Variants in NUP107 observed in about 807,000 individuals in gnomAD.
NUP107 encodes nucleoporin 107.
Under a neutral mutation model 141.0 loss-of-function variants are expected in NUP107, and 101 were observed. That is an observed-to-expected ratio of 0.72 (90% confidence interval 0.61 to 0.84). NUP107 has a LOEUF of 0.84. NUP107 is among the 40% of genes least tolerant of loss of function. NUP107 has a pLI of 0.00. For synonymous variants in NUP107, 319 were observed against 363.9 expected (o/e 0.88, Z 1.41); for missense variants, 941 against 1,102.7 (o/e 0.85, Z 2.08).
At chr12:68,733,942 G>A (rs142953473) in intron 24 of NUP107, among the ~76,000 whole-genome samples, 3 of 152,196 alleles carry the variant, frequency 2.0e-5, no homozygotes, top group Non-Finnish European at 4.4e-5. Context: ...GATGCTCTAG[G>A]TTTGTTATGA....
chr12:68,692,288 T>C, intron 5 of NUP107, 176 bp downstream of exon 5: 1 of 626,436 alleles, frequency 1.6e-6, no homozygotes, highest in Non-Finnish European at 2.5e-6. Context: ...GAGACAAGAG[T>C]CTCACTCTGT....
intron 8 of NUP107, chr12:68,707,062 G>A: frequency 1.7e-6 from 1 of 580,842 alleles, no homozygotes. Flanking sequence ...CTGATGTACT[G>A]ACCAAGTGAA....
intron 8 of NUP107, among the ~76,000 whole-genome samples, chr12:68,703,060 G>T (rs537496594): frequency 1.5e-4 from 23 of 152,110 alleles, no homozygotes; most frequent in African/African-American, 5.5e-4. Flanking sequence ...TGGCCAAGCT[G>T]GTCTCGAACT....
chr12:68,687,042 T>G lies in NUP107; in HGVS notation c.-24T>G, dbSNP rs1428705313. ...GTAGCTAAACTGCAGCCAACTTTGG[T>G]TGTGTGTGGAAAAGGCTTTAGCCAT... On this transcript the variant is annotated 5_prime_UTR_variant, in exon 1 of 28. Coordinates refer to ENST00000229179, the MANE Select transcript of NUP107 (RefSeq NM_020401.4). 3 of 1,613,994 alleles carry G rather than the reference T, an allele frequency of 1.9e-6. No individual in the cohort carries two copies. Among genetic ancestry groups the G allele is most frequent in the Non-Finnish European group, 2.5e-6 (3 of 1,179,918 alleles).
At chr12:68,696,333 C>T (rs1015550132) in intron 5 of NUP107, among the ~76,000 whole-genome samples, 3 of 150,972 alleles carry the variant, frequency 2.0e-5, no homozygotes, top group African/African-American at 4.9e-5. Flanking sequence ...CCACTGCACT[C>T]CAGCCTGGGT....
In NUP107 at chr12:68,732,634, T is replaced by C; in HGVS notation, c.1999-3T>C. The C allele has an allele frequency of 6.4e-7, 1 of 1,570,802 alleles. No homozygotes were observed. Among genetic ancestry groups the C allele is most frequent in the Non-Finnish European group, 8.7e-7 (1 of 1,151,808 alleles). Reference sequence around the variant, plus strand: ...TTTTCTTTTTTTCCCCTTTAATAAATAGGAGGATCGTTTAAAAATTGATGT... The same window carrying C: ...TTTTCTTTTTTTCCCCTTTAATAAACAGGAGGATCGTTTAAAAATTGATGT... On this transcript the variant is annotated splice_polypyrimidine_tract_variant and splice_region_variant and intron_variant, in intron 22 of 27. Coordinates refer to ENST00000229179, the MANE Select transcript of NUP107 (RefSeq NM_020401.4).
intron 11 of NUP107, chr12:68,714,216 T>C (rs1877001872): frequency 6.5e-6 from 1 of 154,826 alleles, no homozygotes; most frequent in Admixed American, 6.5e-5. Flanking sequence ...AGCTGAATTA[T>C]TCTAAAAACA....
At chr12:68,689,458 T>C (rs902693373) in intron 2 of NUP107, 75 bp from the exon 3 acceptor site, 19 of 839,556 alleles carry the variant, frequency 2.3e-5, no homozygotes, top group South Asian at 3.1e-5. Flanking sequence ...ATAATTTGTA[T>C]AGTAAAAAGA....
At chr12:68,734,870 TC>T in intron 25 of NUP107, 37 bp downstream of exon 25, 1 of 1,596,708 alleles carries the variant, frequency 6.3e-7, no homozygotes, top group East Asian at 2.2e-5. Flanking sequence ...GCCTACTGCA[TC>T]TTATAAATGT....
rs11177346 is a variant in NUP107 at position 68,733,418 on chromosome 12, G to A, written c.2102-34G>A. 6.0e-5 allele frequency: 95 copies of A among 1,587,754 alleles called. No homozygotes were observed. In the East Asian group the frequency reaches 1.3e-3, roughly 22 times the overall value. ...TTTAGAAACCATTACAGAGAAGTCC[G>A]TAGGCATTCAAAATTGTGTATCTTT... On this transcript the variant is annotated intron_variant, in intron 23 of 27. Coordinates refer to ENST00000229179, the MANE Select transcript of NUP107 (RefSeq NM_020401.4).
Position 68,696,872 on chromosome 12 carries a change from A to C in NUP107, c.502A>C (p.Ser168Arg). Residue 168 changes from serine (S) to arginine (R), a missense_variant, in exon 6 of 28, where the codon AGT becomes CGT. Coordinates refer to ENST00000229179, the MANE Select transcript of NUP107 (RefSeq NM_020401.4). ...GCAGTCTTTTCTGAAGCACTCTTCG[A>C]GTACAGTTTTTGATCTTGTGGAAGA... ...FLQSFLKHSSSTVFDLVEEYE... is the reference protein window; with the variant it reads ...FLQSFLKHSSRTVFDLVEEYE... The C allele has an allele frequency of 1.2e-6, 2 of 1,610,176 alleles. No individual in the cohort carries two copies. Among genetic ancestry groups the C allele is most frequent in the Non-Finnish European group, 1.7e-6 (2 of 1,178,650 alleles).
intron 18 of NUP107, 41 bp downstream of exon 18, chr12:68,725,837 G>GGTTTTTTTT (rs376106399): frequency 9.7e-6 from 6 of 621,676 alleles, no homozygotes; most frequent in East Asian, 3.3e-5. Flanking sequence ...TTTTGTGTGT[G>GGTTTTTTTT]TTTTTTTTTT....
intron 23 of NUP107, 130 bp downstream of exon 23, chr12:68,732,869 G>A (rs926377226): frequency 1.7e-5 from 9 of 522,546 alleles, no homozygotes; most frequent in African/African-American, 1.5e-4. Flanking sequence ...TTTTTCTAGA[G>A]ATGGGGTCTC....
intron 26 of NUP107, among the ~76,000 whole-genome samples, chr12:68,737,264 C>A (rs1186924040): frequency 6.6e-6 from 1 of 152,048 alleles, no homozygotes; most frequent in Non-Finnish European, 1.5e-5. Context: ...GTCTTGGGAT[C>A]TCATAAAATT....
rs35054844 is a variant in NUP107, at chr12:68,696,904, A to G, written c.534A>G (p.Glu178=). The part of the protein sequence containing the change: ...STVFDLVEEY[E]NICGSQVNIL... ...TTTTTGATCTTGTGGAAGAGTATGAAAACATCTGTGGTAGTCAGGTAAGCT... is the reference window on the plus strand; with the variant it reads ...TTTTTGATCTTGTGGAAGAGTATGAGAACATCTGTGGTAGTCAGGTAAGCT... Residue 178 remains glutamate (E), a synonymous_variant, in exon 6 of 28, where the codon GAA becomes GAG. Coordinates refer to ENST00000229179, the MANE Select transcript of NUP107 (RefSeq NM_020401.4). 0.025 allele frequency: 40,478 copies of G among 1,603,550 alleles called. 623 individuals are homozygous for G. Among genetic ancestry groups the G allele is most frequent in the African/African-American group, 0.046 (3,459 of 74,576 alleles).
intron 3 of NUP107, 160 bp from the exon 4 acceptor site, chr12:68,690,471 C>T: frequency 1.0e-6 from 1 of 954,372 alleles, no homozygotes; most frequent in Non-Finnish European, 1.5e-6. Context: ...TAAGTTAAAT[C>T]CTTGTATCAT....
At chr12:68,702,084 G>A (rs1039994434) in intron 7 of NUP107, among the ~76,000 whole-genome samples, 1 of 152,134 alleles carries the variant, frequency 6.6e-6, no homozygotes, top group Non-Finnish European at 1.5e-5. Flanking sequence ...CGCCTCCCAG[G>A]TTTAAGCGAT....
rs10047603 is a variant in NUP107, at chr12:68,709,374, A to G, written c.801+65A>G. 0.013 allele frequency: 11,839 copies of G among 879,006 alleles called. 949 individuals are homozygous for G. In the African/African-American group the frequency reaches 0.18, roughly 13 times the overall value. The allele number at this position is 879,006 out of a possible 1,614,324, so 54.5% of individuals were successfully genotyped here. ...AGAAAAGGTTAATGACATGCAAAGT[A>G]CTGAAGTGTTTTTTAACTTAAAACT... is the stretch of plus-strand genomic sequence containing the variant. On this transcript the variant is annotated intron_variant, in intron 9 of 27. Transcript: ENST00000229179.
At chr12:68,729,884 C>G (rs983644845) in intron 20 of NUP107, among the ~76,000 whole-genome samples, 1 of 151,488 alleles carries the variant, frequency 6.6e-6, no homozygotes, top group Non-Finnish European at 1.5e-5. Flanking sequence ...TACCCTCTGC[C>G]TCTTGGGTTC....
Sources: gnomAD v4.1 joint callset for allele counts (sites outside exome capture counted in the v4.1 genomes callset) on GRCh38, gnomAD v4.1.1 for gene constraint, MANE v1.5 for transcripts, NCBI Gene and HGNC (gene_info 2026-07-23, HGNC 2026-07-21) for gene names.